Variants in ARHGEF7 observed in about 807,000 individuals in gnomAD.
ARHGEF7 encodes the protein Rho guanine nucleotide exchange factor 7.
Under a neutral mutation model 109.8 loss-of-function variants are expected in ARHGEF7, and 33 were observed. The ratio of observed to expected loss-of-function variants is 0.30; its 90% CI spans 0.23 to 0.40. The LOEUF is 0.40. ARHGEF7 is among the 10% of genes least tolerant of loss of function. The pLI, the probability that ARHGEF7 is intolerant of heterozygous loss-of-function variation, is 1.00. For missense variants in ARHGEF7, 938 were observed against 1,098.5 expected (o/e 0.85, Z 2.07); for synonymous variants, 458 against 424.6 (o/e 1.08, Z -0.97).
At chr13:111,183,418 G>A (rs777168682) in intron 2 of ARHGEF7, among the ~76,000 whole-genome samples, 1 of 151,734 alleles carries the variant, frequency 6.6e-6, no homozygotes, top group Non-Finnish European at 1.5e-5. Context: ...TCTCTCAGAA[G>A]CTGTCTGGCA....
At chr13:111,203,430 A>C (rs377695393) in intron 2 of ARHGEF7, among the ~76,000 whole-genome samples, 1 of 152,254 alleles carries the variant, frequency 6.6e-6, no homozygotes, top group Non-Finnish European at 1.5e-5. Context: ...TGTATTCTGT[A>C]TGAAAGATGA....
chr13:111,203,889 A>AGG (rs886571643), intron 2 of ARHGEF7, among the ~76,000 whole-genome samples: 23 of 152,192 alleles, frequency 1.5e-4, no homozygotes, highest in Admixed American at 1.2e-3. Flanking sequence ...CGGTGCCTGC[A>AGG]GGGTGGGTGG....
In ARHGEF7 at chr13:111,224,044, A is replaced by G. The variant is rs942320214; in HGVS notation, c.670+6164A>G. 1.2e-4 allele frequency among the ~76,000 whole-genome samples: 18 copies of G among 152,208 alleles called. No individual in the cohort carries two copies. The South Asian group carries it at 3.5e-3, about 30-fold the overall frequency. ...GCTAATTTGTGTATTTTTAGTAGAG[A>G]CAGGGTTTCACCATGTCAGCCAGGC... On this transcript the variant is annotated intron_variant, in intron 5 of 21. Transcript: ENST00000646102.
chr13:111,173,047 T>G (rs898333556), intron 2 of ARHGEF7, among the ~76,000 whole-genome samples: 1 of 152,248 alleles, frequency 6.6e-6, no homozygotes, highest in Non-Finnish European at 1.5e-5. Flanking sequence ...ATTCCACTTG[T>G]ATCATTAATA....
chr13:111,227,142 T>A (rs986856081), intron 5 of ARHGEF7, among the ~76,000 whole-genome samples: 1 of 152,228 alleles, frequency 6.6e-6, no homozygotes, highest in Non-Finnish European at 1.5e-5. Flanking sequence ...TGAAATAGAA[T>A]CTACCCTTGC....
At chr13:111,130,916 C>A (rs2074711798) in intron 1 of ARHGEF7, among the ~76,000 whole-genome samples, 1 of 152,180 alleles carries the variant, frequency 6.6e-6, no homozygotes, top group Admixed American at 6.5e-5. Context: ...CAAGAGGAGG[C>A]CTGCTTTGCT....
At chr13:111,262,400 G>A (rs1478838025) in intron 8 of ARHGEF7, among the ~76,000 whole-genome samples, 1 of 151,664 alleles carries the variant, frequency 6.6e-6, no homozygotes, top group Non-Finnish European at 1.5e-5. Flanking sequence ...CCGTGTCCCT[G>A]TGTGTGTGTG....
In ARHGEF7 at chr13:111,217,899, G is replaced by GCT; in HGVS notation, c.670+20_670+21dup. On this transcript the variant is annotated intron_variant, in intron 5 of 21. Coordinates refer to ENST00000646102, the MANE Select transcript of ARHGEF7 (RefSeq NM_001354046.2). ...GCCAGCGGTAAGTGGCCGAGCCTGGGCTGTGTGTGGCTTTTTGCGATGAGC... is the reference window on the plus strand; with the variant it reads ...GCCAGCGGTAAGTGGCCGAGCCTGGGCTCTGTGTGTGGCTTTTTGCGATGAGC... The GCT allele has an allele frequency of 6.3e-7, 1 of 1,593,308 alleles. No homozygotes were observed. The highest frequency in any genetic ancestry group is 8.6e-7 in the Non-Finnish European group (1 of 1,166,328).
intron 19 of ARHGEF7, chr13:111,293,961 C>A (rs1595600770): frequency 2.0e-6 from 2 of 985,414 alleles, no homozygotes; most frequent in Non-Finnish European, 2.4e-6. Context: ...CAGCATGGAA[C>A]AAGCTAATGG....
intron 4 of ARHGEF7, among the ~76,000 whole-genome samples, chr13:111,211,876 G>C (rs1016918723): frequency 2.0e-5 from 3 of 152,174 alleles, no homozygotes; most frequent in Admixed American, 1.3e-4. Context: ...AAAAAGTTAA[G>C]CTAAAAGGCA....
intron 2 of ARHGEF7, among the ~76,000 whole-genome samples, chr13:111,202,577 T>C (rs1420881889): frequency 6.6e-6 from 1 of 152,212 alleles, no homozygotes; most frequent in Non-Finnish European, 1.5e-5. Context: ...CAGCAAGTCA[T>C]GGTGGGGAAT....
At chr13:111,226,388 T>C (rs1410006538) in intron 5 of ARHGEF7, among the ~76,000 whole-genome samples, 1 of 152,196 alleles carries the variant, frequency 6.6e-6, no homozygotes, top group Admixed American at 6.5e-5. Context: ...ACAGGCTGAC[T>C]CTCTGGTCTG....
chr13:111,288,034 C>T (rs535278730), intron 17 of ARHGEF7, among the ~76,000 whole-genome samples: 4 of 152,316 alleles, frequency 2.6e-5, no homozygotes, highest in African/African-American at 9.6e-5. Flanking sequence ...TTGTGACTTC[C>T]TTATTCCTAT....
chr13:111,126,635 A>G (rs998550261), intron 1 of ARHGEF7, among the ~76,000 whole-genome samples: 19 of 152,250 alleles, frequency 1.2e-4, no homozygotes, highest in Non-Finnish European at 2.6e-4. Context: ...GACTTTATCA[A>G]TTGATGACAA....
At chr13:111,198,057 G>C (rs1233941513) in intron 2 of ARHGEF7, among the ~76,000 whole-genome samples, 1 of 152,048 alleles carries the variant, frequency 6.6e-6, no homozygotes, top group East Asian at 1.9e-4. Flanking sequence ...CCTCTCTGTT[G>C]ACCGTTGGCT....
At position 111,266,829 on chromosome 13, in the gene ARHGEF7, C is replaced by T. The variant is rs2091687376; in HGVS notation, c.951-719C>T. On this transcript the variant is annotated intron_variant, in intron 8 of 21. Transcript: ENST00000646102. This position sits in a 1 kb window ranked among gnomAD's most constrained non-coding sequence, Gnocchi z 4.8. ...TCACGTGGTTCTCCTGTTTTCAGCACACGTGCCCCTGCTCCGGGTTGTTGC... is the reference window on the plus strand; with the variant it reads ...TCACGTGGTTCTCCTGTTTTCAGCATACGTGCCCCTGCTCCGGGTTGTTGC... 1 of 456,072 alleles carries T rather than the reference C, an allele frequency of 2.2e-6. No homozygotes were observed. Among genetic ancestry groups the T allele is most frequent in the Non-Finnish European group, 4.4e-6 (1 of 226,810 alleles). The allele number at this position is 456,072 out of a possible 1,614,324, so 28.3% of individuals were successfully genotyped here.
At chr13:111,260,166 TAAAG>T (rs1267984706) in intron 8 of ARHGEF7, among the ~76,000 whole-genome samples, 1 of 152,100 alleles carries the variant, frequency 6.6e-6, no homozygotes, top group Non-Finnish European at 1.5e-5. Context: ...AAGGAGGAAG[TAAAG>T]AGAGACATAG....
intron 4 of ARHGEF7, among the ~76,000 whole-genome samples, chr13:111,214,245 G>A (rs1018030479): frequency 3.9e-5 from 6 of 152,238 alleles, no homozygotes; most frequent in African/African-American, 1.2e-4. Flanking sequence ...GTGGAACTCC[G>A]CTGCCTCTTG....
In ARHGEF7 at chr13:111,172,187, A is replaced by C. The variant is rs1266293863; in HGVS notation, c.252+18196A>C. On this transcript the variant is annotated intron_variant, in intron 2 of 21. Coordinates refer to ENST00000646102, the MANE Select transcript of ARHGEF7 (RefSeq NM_001354046.2). ...AAGCCAGTAAGGGAGATTGTAACAAAATGAATTCAGTTCTTTAAATGGAAG... is the reference window on the plus strand; with the variant it reads ...AAGCCAGTAAGGGAGATTGTAACAACATGAATTCAGTTCTTTAAATGGAAG... Among the ~76,000 whole-genome samples, 4 of 152,212 alleles carry C rather than the reference A, an allele frequency of 2.6e-5. No individual in the cohort carries two copies. The East Asian group carries it at 7.7e-4, about 29-fold the overall frequency.
Sources: allele counts gnomAD v4.1 joint callset (sites outside exome capture counted in the v4.1 genomes callset), GRCh38; gene constraint gnomAD v4.1.1; non-coding constraint Gnocchi (gnomAD v3.1); transcripts MANE v1.5; gene names NCBI Gene and HGNC (gene_info 2026-07-23, HGNC 2026-07-21).